Variants in COL24A1 observed in about 807,000 individuals in gnomAD.
COL24A1 encodes collagen type XXIV alpha 1 chain.
Under a neutral mutation model 253.9 loss-of-function variants are expected in COL24A1, and 224 were observed. The observed-to-expected ratio is 0.88, with a 90% CI of 0.79 to 0.99. The LOEUF is 0.99. COL24A1 is among the 50% of genes least tolerant of loss of function. COL24A1 has a pLI of 0.00. For missense variants in COL24A1, 2,131 were observed against 2,068.5 expected (o/e 1.03, Z -0.59); for synonymous variants, 685 against 673.7 (o/e 1.02, Z -0.26).
rs377001738 is a variant in COL24A1, at chr1:85,783,548, C to G, written c.4232G>C (p.Gly1411Ala). ...QGFPGPKGPE[G>A]DAGIVGISGP... ...TGATATCCCAACAATGCCAGCATCC[C>G]CTTCAGGACCCTAGACATACAATAA... The change falls in exon 51 of 60, where the codon GGG becomes GCG. Residue 1411 changes from glycine to alanine, a missense_variant. Transcript: ENST00000370571. The G allele has an allele frequency of 1.2e-6, 2 of 1,613,212 alleles. No individual in the cohort carries two copies. The highest frequency in any genetic ancestry group is 1.7e-6 in the Non-Finnish European group (2 of 1,179,424).
At chr1:85,956,550 G>A (rs564412058) in intron 24 of COL24A1, among the ~76,000 whole-genome samples, 3 of 152,160 alleles carry the variant, frequency 2.0e-5, no homozygotes, top group African/African-American at 7.2e-5. Flanking sequence ...AGGAATAATT[G>A]TGGTAAATCA....
chr1:85,872,438 C>T (rs1680633203), intron 35 of COL24A1, among the ~76,000 whole-genome samples: 2 of 152,176 alleles, frequency 1.3e-5, no homozygotes, highest in Non-Finnish European at 1.5e-5. Flanking sequence ...TACCTGACTT[C>T]AAACTATACC....
chr1:85,906,002 T>G (rs1684780990), intron 28 of COL24A1, among the ~76,000 whole-genome samples: 1 of 152,058 alleles, frequency 6.6e-6, no homozygotes, highest in African/African-American at 2.4e-5. Context: ...TAAATGGCAG[T>G]TTGGGTACAA....
At chr1:85,969,539 A>G (rs1173926653) in intron 22 of COL24A1, among the ~76,000 whole-genome samples, 1 of 126,460 alleles carries the variant, frequency 7.9e-6, no homozygotes, top group Non-Finnish European at 1.6e-5. Flanking sequence ...CAGGAGGTGG[A>G]GGTTGCAGTG....
At chr1:85,949,758 G>C (rs1259695358) in intron 24 of COL24A1, among the ~76,000 whole-genome samples, 2 of 151,992 alleles carry the variant, frequency 1.3e-5, no homozygotes, top group African/African-American at 2.4e-5. Flanking sequence ...CTGGCAATAT[G>C]ACTGTTTCAA....
intron 43 of COL24A1, among the ~76,000 whole-genome samples, chr1:85,828,668 C>A (rs1376859324): frequency 1.2e-4 from 15 of 123,954 alleles, no homozygotes; most frequent in African/African-American, 3.8e-4. Context: ...ATCCCTTTAC[C>A]ATTTTGTAAT....
intron 24 of COL24A1, among the ~76,000 whole-genome samples, chr1:85,914,549 C>A (rs1046401620): frequency 5.9e-5 from 9 of 151,944 alleles, no homozygotes; most frequent in African/African-American, 2.2e-4. Flanking sequence ...CACCACCATG[C>A]CTGATTAAAT....
intron 45 of COL24A1, among the ~76,000 whole-genome samples, chr1:85,819,980 T>A (rs1027472701): frequency 6.6e-6 from 1 of 151,966 alleles, no homozygotes; most frequent in Non-Finnish European, 1.5e-5. Context: ...CCCAAGTAGC[T>A]GGGATCACAG....
At chr1:85,861,390 C>A (rs964585442) in intron 37 of COL24A1, among the ~76,000 whole-genome samples, 8 of 152,086 alleles carry the variant, frequency 5.3e-5, no homozygotes, top group African/African-American at 1.4e-4. Context: ...CAAATATTTT[C>A]TCCTATTATG....
At chr1:85,787,685 A>C (rs1669829392) in intron 47 of COL24A1, among the ~76,000 whole-genome samples, 1 of 152,136 alleles carries the variant, frequency 6.6e-6, no homozygotes, top group South Asian at 2.1e-4. Context: ...GCGTGCATGT[A>C]TCTTTATGAT....
intron 47 of COL24A1, among the ~76,000 whole-genome samples, chr1:85,793,266 G>A (rs3753785): frequency 0.076 from 11,591 of 152,026 alleles, 704 homozygotes; most frequent in East Asian, 0.17. Context: ...TGCTTACAGG[G>A]AGGTACATAT....
Position 85,936,155 on chromosome 1 carries a change from T to C in COL24A1, c.2563-24722A>G, listed in dbSNP as rs1425119811. On this transcript the variant is annotated intron_variant, in intron 24 of 59. Coordinates refer to ENST00000370571, the MANE Select transcript of COL24A1 (RefSeq NM_152890.7). ...GTCTGTTATGCCAAAGTCAGGGTCT[T>C]GGTTAGAAAAAAAAAAATGGAACTC... Among the ~76,000 whole-genome samples, 5 of 117,856 alleles carry C rather than the reference T, an allele frequency of 4.2e-5. No individual in the cohort carries two copies. In the Admixed American group the frequency reaches 5.1e-4, roughly 12 times the overall value. The allele number at this position is 117,856 out of a possible 152,430, so 77.3% of individuals were successfully genotyped here. A position where few individuals can be genotyped will look rare whatever the true frequency, so the allele number is the denominator to read the frequency against.
chr1:86,096,750 G>GA (rs1320338562), intron 5 of COL24A1, among the ~76,000 whole-genome samples: 1 of 152,130 alleles, frequency 6.6e-6, no homozygotes, highest in Non-Finnish European at 1.5e-5. Flanking sequence ...GTGACTAAGA[G>GA]AAAAAATTCA....
intron 7 of COL24A1, among the ~76,000 whole-genome samples, chr1:86,064,323 A>G (rs543856630): frequency 2.6e-5 from 4 of 152,346 alleles, no homozygotes; most frequent in Admixed American, 2.0e-4. Flanking sequence ...TTAGTAACAA[A>G]GAATATTTTC....
rs545524657 is a variant in COL24A1, at chr1:85,791,525, T to C, written c.3952-5064A>G. ...TAGACCTAGATGCAATAAATTTCCA[T>C]ATTTCAAAATCGATTTGACTGTGCA... On this transcript the variant is annotated intron_variant, in intron 47 of 59. Transcript: ENST00000370571. 4.6e-5 allele frequency among the ~76,000 whole-genome samples: 7 copies of C among 152,250 alleles called. No homozygotes were observed. In the East Asian group the frequency reaches 1.4e-3, roughly 29 times the overall value.
intron 14 of COL24A1, among the ~76,000 whole-genome samples, chr1:86,023,597 C>T (rs483191): frequency 0.012 from 1,887 of 152,028 alleles, 50 homozygotes; most frequent in African/African-American, 0.043. Context: ...ATAATATGTA[C>T]GAGACACTGT....
intron 10 of COL24A1, among the ~76,000 whole-genome samples, chr1:86,051,644 CTG>C (rs777399714): frequency 1.3e-5 from 2 of 152,012 alleles, no homozygotes; most frequent in Non-Finnish European, 2.9e-5. Flanking sequence ...GCAATTTACA[CTG>C]TGAGTCATTA....
chr1:85,881,876 C>T (rs1157758689), intron 32 of COL24A1, among the ~76,000 whole-genome samples: 3 of 151,882 alleles, frequency 2.0e-5, no homozygotes. Context: ...TTTTCTTCTG[C>T]TTACTTTGTA....
chr1:85,750,459 G>A (rs1665693976), intron 55 of COL24A1, among the ~76,000 whole-genome samples: 1 of 114 alleles, frequency 8.8e-3, no homozygotes, highest in Non-Finnish European at 0.062. Flanking sequence ...TCGAGACTAG[G>A]AAGAAACTGC....
Sources: allele counts gnomAD v4.1 joint callset (sites outside exome capture counted in the v4.1 genomes callset), GRCh38; gene constraint gnomAD v4.1.1; transcripts MANE v1.5; gene names NCBI Gene and HGNC (gene_info 2026-07-23, HGNC 2026-07-21).